PAQR5: variants seen among roughly 807,000 people sequenced by gnomAD.
The protein encoded by PAQR5 is progestin and adipoQ receptor family member 5, also known as membrane progestin receptor gamma.
In PAQR5, 20 loss-of-function variants were observed where a neutral mutation model predicts 34.5. That is an observed-to-expected ratio of 0.58 (90% CI 0.41 to 0.84). The LOEUF (loss-of-function observed/expected upper bound fraction) is 0.84, where lower values mean the gene tolerates loss of function less well. PAQR5 is among the 40% of genes least tolerant of loss of function. The pLI is 0.00. For missense variants in PAQR5, 378 were observed against 412.7 expected (o/e 0.92, Z 0.73); for synonymous variants, 131 against 155.6 (o/e 0.84, Z 1.18).
chr15:69,393,433 TGGCCTCAGGGCAGTCACTGTCCACTCTG>T (rs148862016), intron 6 of PAQR5, among the ~76,000 whole-genome samples: 130,129 of 151,620 alleles, frequency 0.86, 57,356 homozygotes, highest in Non-Finnish European at 0.97. Context: ...ACTTGCTGTA[TGGCCTCAGGGCAGTCACTGTCCACTCTG>T]GGCCTCAGGG....
intron 1 of PAQR5, among the ~76,000 whole-genome samples, chr15:69,310,270 T>C (rs1371190372): frequency 6.6e-6 from 1 of 152,120 alleles, no homozygotes; most frequent in African/African-American, 2.4e-5. Context: ...GTCCTAGAAG[T>C]GGAATTGGTG....
intron 7 of PAQR5, among the ~76,000 whole-genome samples, chr15:69,397,959 A>G (rs966613859): frequency 6.6e-6 from 1 of 152,184 alleles, no homozygotes; most frequent in African/African-American, 2.4e-5. Context: ...CGGGAACGTC[A>G]TAGAACAGGC....
chr15:69,319,629 G>A, intron 1 of PAQR5, among the ~76,000 whole-genome samples: 1 of 152,140 alleles, frequency 6.6e-6, no homozygotes, highest in East Asian at 1.9e-4. Context: ...CTTGCTGCCA[G>A]AGAGGTTTCC....
chr15:69,356,975 C>T (rs901727779), intron 2 of PAQR5, among the ~76,000 whole-genome samples: 35 of 151,412 alleles, frequency 2.3e-4, no homozygotes, highest in Admixed American at 6.6e-5. Context: ...GCAGATCCCT[C>T]GTGGCTTGGT....
chr15:69,390,347 TA>T (rs1235219870), intron 6 of PAQR5, among the ~76,000 whole-genome samples: 49 of 117,906 alleles, frequency 4.2e-4, no homozygotes, highest in Non-Finnish European at 7.3e-4. Context: ...TTTATTTATT[TA>T]TTTATTTATT....
At chr15:69,329,399 T>C (rs768312578) in intron 1 of PAQR5, among the ~76,000 whole-genome samples, 3 of 151,494 alleles carry the variant, frequency 2.0e-5, no homozygotes, top group African/African-American at 7.3e-5. Flanking sequence ...ATAAATGTAT[T>C]GACAATCACT....
chr15:69,299,458 G>A (rs771972081), intron 1 of PAQR5, among the ~76,000 whole-genome samples: 6 of 152,326 alleles, frequency 3.9e-5, no homozygotes, highest in East Asian at 3.9e-4. Flanking sequence ...TGCACAGTTG[G>A]CGATTTCTTT....
chr15:69,396,933 A>G (rs916111185), intron 6 of PAQR5: 3 of 314,252 alleles, frequency 9.5e-6, no homozygotes, highest in African/African-American at 6.6e-5. Context: ...TAGTTTTCCC[A>G]AGCCAAGTAT....
intron 2 of PAQR5, among the ~76,000 whole-genome samples, chr15:69,349,713 C>T (rs1448325969): frequency 1.5e-4 from 23 of 151,842 alleles, no homozygotes; most frequent in Admixed American, 1.5e-3. Context: ...ATGGTCTCAG[C>T]TCACTGAAAC....
intron 2 of PAQR5, among the ~76,000 whole-genome samples, chr15:69,345,465 G>A (rs943810893): frequency 6.6e-6 from 1 of 152,138 alleles, no homozygotes; most frequent in South Asian, 2.1e-4. Context: ...TGTGTTGGGG[G>A]ATCTTTATGG....
At chr15:69,391,483 G>C (rs528838591) in intron 6 of PAQR5, 18 of 262,894 alleles carry the variant, frequency 6.8e-5, no homozygotes, top group South Asian at 5.9e-4. Flanking sequence ...CGTGGATGAA[G>C]GGAGGTATAA....
At chr15:69,387,783 T>C (rs750370235) in intron 5 of PAQR5, among the ~76,000 whole-genome samples, 3 of 152,152 alleles carry the variant, frequency 2.0e-5, no homozygotes, top group Non-Finnish European at 4.4e-5. Context: ...TGCCATGGTC[T>C]CCCTTCTCTG....
intron 1 of PAQR5, among the ~76,000 whole-genome samples, chr15:69,323,634 C>T (rs1375579190): frequency 1.3e-5 from 2 of 152,076 alleles, no homozygotes; most frequent in Non-Finnish European, 2.9e-5. Flanking sequence ...CTTCTAATAG[C>T]GTTGCGTTAA....
At chr15:69,351,531 T>C (rs777546249) in intron 2 of PAQR5, among the ~76,000 whole-genome samples, 2 of 152,240 alleles carry the variant, frequency 1.3e-5, no homozygotes, top group Non-Finnish European at 2.9e-5. Flanking sequence ...TGCTCTCAGC[T>C]GGCAAGGCCA....
rs552697146 is a variant in PAQR5, at chr15:69,303,323, C to A, written c.-277+4267C>A. Among the ~76,000 whole-genome samples the A allele has an allele frequency of 2.2e-3, 295 of 134,682 alleles. 1 individual carries two copies. The highest frequency in any genetic ancestry group is 3.5e-3 in the Non-Finnish European group (227 of 65,214). 88.4% of individuals were successfully genotyped at this position (134,682 alleles called of 152,430 possible). A position where few individuals can be genotyped will look rare whatever the true frequency, so the allele number is the denominator to read the frequency against. ...GTGCTTAAGAGGCCCTTGGCAAGAA[C>A]CTTCAGGCCAGCTGCCTCCAGAGTT... On this transcript the variant is annotated intron_variant, in intron 1 of 8. Coordinates refer to ENST00000395407, the MANE Select transcript of PAQR5 (RefSeq NM_017705.4).
chr15:69,340,918 AAAAT>A lies in PAQR5; in HGVS notation c.-116+3422_-116+3425del, dbSNP rs1243323300. 5.9e-5 allele frequency among the ~76,000 whole-genome samples: 9 copies of A among 152,326 alleles called. No individual in the cohort carries two copies. The East Asian group carries it at 1.5e-3, about 26-fold the overall frequency. On this transcript the variant is annotated intron_variant, in intron 2 of 8. Coordinates refer to ENST00000395407, the MANE Select transcript of PAQR5 (RefSeq NM_017705.4). Reference sequence around the variant, plus strand: ...TATTTTTTTTCTGGAAGATTTGGAGAAAATAAATTTTTGTATTAAAACAACTATA... The same window carrying A: ...TATTTTTTTTCTGGAAGATTTGGAGAAAATTTTTGTATTAAAACAACTATA...
At chr15:69,383,631 T>TG (rs2055998948) in intron 4 of PAQR5, among the ~76,000 whole-genome samples, 1 of 104,978 alleles carries the variant, frequency 9.5e-6, no homozygotes. Context: ...GGAGGGTGAG[T>TG]GGCCCTCTGT....
chr15:69,364,701 A>ACTTCATATTCTAGTTTG (rs2055346555), intron 3 of PAQR5, among the ~76,000 whole-genome samples: 1 of 151,182 alleles, frequency 6.6e-6, no homozygotes, highest in Non-Finnish European at 1.5e-5. Flanking sequence ...TAAGGGTATC[A>ACTTCATATTCTAGTTTG]CTTCATATTC....
intron 1 of PAQR5, among the ~76,000 whole-genome samples, chr15:69,312,925 A>G (rs1195017463): frequency 1.3e-5 from 2 of 152,124 alleles, no homozygotes; most frequent in Non-Finnish European, 2.9e-5. Flanking sequence ...CAGTAAATCC[A>G]TGGGAAGTTC....
Sources: gnomAD v4.1 joint callset for allele counts (sites outside exome capture counted in the v4.1 genomes callset) on GRCh38, gnomAD v4.1.1 for gene constraint, MANE v1.5 for transcripts, NCBI Gene and HGNC (gene_info 2026-07-23, HGNC 2026-07-21) for gene names.